The following NRXN1 variants were observed in gnomAD, a reference collection of about 807,000 sequenced individuals.
NRXN1 encodes the protein neurexin-1.
In NRXN1, 39 loss-of-function variants were observed where a neutral mutation model predicts 150.9. The ratio of observed to expected loss-of-function variants is 0.26; its 90% confidence interval spans 0.20 to 0.34. NRXN1 has a LOEUF of 0.34. NRXN1 is among the 10% of genes least tolerant of loss of function. The pLI is 1.00. For missense variants in NRXN1, 1,815 were observed against 1,949.9 expected (o/e 0.93, Z 1.30); for synonymous variants, 924 against 757.0 (o/e 1.22, Z -3.62).
At chr2:50,029,873 A>G (rs1283485863) in intron 21 of NRXN1, among the ~76,000 whole-genome samples, 2 of 152,126 alleles carry the variant, frequency 1.3e-5, no homozygotes, top group Non-Finnish European at 1.5e-5. Flanking sequence ...TGAACCTTAT[A>G]AGAATATCTA....
In NRXN1 at chr2:50,346,829, G is replaced by C; in HGVS notation, c.3365-109859C>G. The C allele has an allele frequency of 6.2e-7, 1 of 1,611,288 alleles. No individual in the cohort carries two copies. Among genetic ancestry groups the C allele is most frequent in the Non-Finnish European group, 8.5e-7 (1 of 1,179,272 alleles). On this transcript the variant is annotated intron_variant, in intron 17 of 22. Transcript: ENST00000401669. This position sits in a 1 kb window ranked among gnomAD's most constrained non-coding sequence, Gnocchi z 5.0. ...CACGCCACTCCTAGGAGGCCGCTGA[G>C]GGTGAGCGGGACTATCCAAAGCAGG...
intron 17 of NRXN1, among the ~76,000 whole-genome samples, chr2:50,453,611 G>A (rs1007077192): frequency 6.6e-6 from 1 of 152,008 alleles, no homozygotes; most frequent in Admixed American, 6.6e-5. Flanking sequence ...TTCTTGGTAC[G>A]GTTGCATATA....
intron 2 of NRXN1, among the ~76,000 whole-genome samples, chr2:51,023,402 A>C (rs1669933488): frequency 6.6e-6 from 1 of 152,170 alleles, no homozygotes; most frequent in Non-Finnish European, 1.5e-5. Flanking sequence ...TGCTTAAGGC[A>C]TTCTCTCAGT....
intron 5 of NRXN1, among the ~76,000 whole-genome samples, chr2:50,815,926 T>C (rs1437118606): frequency 1.3e-5 from 2 of 152,194 alleles, no homozygotes; most frequent in African/African-American, 4.8e-5. Context: ...AGAACCCATG[T>C]AAATAAATTA....
At chr2:50,232,387 C>CTT (rs56846249) in intron 18 of NRXN1, among the ~76,000 whole-genome samples, 38 of 55,218 alleles carry the variant, frequency 6.9e-4, no homozygotes, top group African/African-American at 2.0e-3. Flanking sequence ...CTTTTCTTTT[C>CTT]TTTTTTTTTT....
intron 21 of NRXN1, among the ~76,000 whole-genome samples, chr2:49,952,383 A>G (rs139526032): frequency 6.6e-6 from 1 of 152,208 alleles, no homozygotes; most frequent in Non-Finnish European, 1.5e-5. Flanking sequence ...ACCATTTGAT[A>G]TGGCAGCACA....
At chr2:50,268,776 T>C (rs958251200) in intron 17 of NRXN1, among the ~76,000 whole-genome samples, 2 of 152,216 alleles carry the variant, frequency 1.3e-5, no homozygotes, top group African/African-American at 4.8e-5. Flanking sequence ...TCCTTGTAGA[T>C]AGGAACTATG....
At position 50,774,974 on chromosome 2, in the gene NRXN1, T is replaced by G. The variant is rs191836963; in HGVS notation, c.832+146895A>C. On this transcript the variant is annotated intron_variant, in intron 5 of 22. Transcript: ENST00000401669. ...TCTACTTATTCATACTGATTACATA[T>G]ATTATTTTTCTTGCCTTGTCTTTAC... is the stretch of plus-strand genomic sequence containing the variant. 6.6e-4 allele frequency among the ~76,000 whole-genome samples: 101 copies of G among 152,300 alleles called. 1 individual carries two copies. Among genetic ancestry groups the G allele is most frequent in the African/African-American group, 1.7e-3 (72 of 41,578 alleles).
chr2:50,995,008 T>C (rs550203513), intron 2 of NRXN1, among the ~76,000 whole-genome samples: 2 of 152,060 alleles, frequency 1.3e-5, no homozygotes, highest in Non-Finnish European at 2.9e-5. Context: ...AAGAGAAATA[T>C]AGGGTAATAA....
intron 17 of NRXN1, among the ~76,000 whole-genome samples, chr2:50,422,071 C>T (rs923391246): frequency 5.9e-5 from 9 of 152,016 alleles, no homozygotes; most frequent in Non-Finnish European, 8.8e-5. Context: ...CTTATTTGTG[C>T]TAGGATGTTT....
intron 17 of NRXN1, among the ~76,000 whole-genome samples, chr2:50,436,521 T>G (rs937089956): frequency 6.6e-6 from 1 of 152,178 alleles, no homozygotes; most frequent in Non-Finnish European, 1.5e-5. Flanking sequence ...GATTTTACAT[T>G]GATATGAAAT....
intron 2 of NRXN1, among the ~76,000 whole-genome samples, chr2:50,968,933 T>C (rs1694555581): frequency 6.6e-6 from 1 of 152,110 alleles, no homozygotes; most frequent in African/African-American, 2.4e-5. Context: ...TTTAGAAAAA[T>C]GTCTGAACAC....
At chr2:50,348,425 T>A (rs1238803760) in intron 17 of NRXN1, among the ~76,000 whole-genome samples, 1 of 152,122 alleles carries the variant, frequency 6.6e-6, no homozygotes, top group Admixed American at 6.5e-5. Context: ...ATGAATAAAA[T>A]TGCTTGTATT....
At chr2:50,756,243 T>A (rs141533258) in intron 5 of NRXN1, among the ~76,000 whole-genome samples, 127 of 151,764 alleles carry the variant, frequency 8.4e-4, no homozygotes, top group African/African-American at 3.0e-3. Flanking sequence ...CACCCTACTC[T>A]CTAGGTATGG....
In NRXN1 at chr2:50,033,254, C is replaced by G. The variant is rs11886015; in HGVS notation, c.4128+20017G>C. On this transcript the variant is annotated intron_variant, in intron 21 of 22. Transcript: ENST00000401669. The stretch of plus-strand genomic sequence containing the variant: ...CTACAGGGCTACAATAACCAAAGCA[C>G]CATGGTACTGGTACAAAAACAGACA... 4.7e-3 allele frequency among the ~76,000 whole-genome samples: 719 copies of G among 151,880 alleles called. 7 individuals are homozygous for G. The highest frequency in any genetic ancestry group is 0.016 in the African/African-American group (663 of 41,456).
chr2:50,259,460 C>G (rs1574794722), intron 17 of NRXN1, among the ~76,000 whole-genome samples: 1 of 151,852 alleles, frequency 6.6e-6, no homozygotes, highest in South Asian at 2.1e-4. Context: ...AAGCATACCA[C>G]ATCATCTCTA....
chr2:50,940,613 A>C (rs140837491), intron 2 of NRXN1, among the ~76,000 whole-genome samples: 65 of 152,304 alleles, frequency 4.3e-4, no homozygotes, highest in African/African-American at 1.5e-3. Context: ...TAAGAAGCAG[A>C]CTTCAGATAA....
chr2:50,245,009 T>C lies in NRXN1; in HGVS notation c.3365-8039A>G, dbSNP rs536294996. ...TAAATAGTTGAGTAGTTTGAAATAA[T>C]GTTCAACCCAATGAACACTACTTTT... On this transcript the variant is annotated intron_variant, in intron 17 of 22. Transcript: ENST00000401669. Among the ~76,000 whole-genome samples, 7 of 152,092 alleles carry C rather than the reference T, an allele frequency of 4.6e-5. No individual in the cohort carries two copies. In the South Asian group the frequency reaches 1.4e-3, roughly 32 times the overall value.
chr2:50,037,468 A>G (rs906722571), intron 21 of NRXN1, among the ~76,000 whole-genome samples: 4 of 152,218 alleles, frequency 2.6e-5, no homozygotes, highest in Non-Finnish European at 2.9e-5. Context: ...ATAACAAGAT[A>G]AAATTATACC....
Sources: allele counts gnomAD v4.1 joint callset (sites outside exome capture counted in the v4.1 genomes callset), GRCh38; gene constraint gnomAD v4.1.1; non-coding constraint Gnocchi (gnomAD v3.1); transcripts MANE v1.5; gene names NCBI Gene and HGNC (gene_info 2026-07-23, HGNC 2026-07-21).